The following SLC24A2 variants were observed in gnomAD, a reference collection of about 807,000 sequenced individuals.
The protein encoded by SLC24A2 is solute carrier family 24 member 2.
A neutral mutation model predicts 62.0 loss-of-function variants in SLC24A2; 36 were observed. The observed-to-expected ratio is 0.58, with a 90% CI of 0.44 to 0.77. The LOEUF is 0.77. Among genes scored for constraint, SLC24A2 ranks in the 30% least tolerant of loss-of-function variants. The pLI, the probability that SLC24A2 is intolerant of heterozygous loss-of-function variation, is 0.00. For missense variants in SLC24A2, 846 were observed against 817.9 expected, an observed-to-expected ratio of 1.03 and a Z score of -0.42; for synonymous variants, 358 against 294.0, an observed-to-expected ratio of 1.22 and a Z score of -2.23.
the SLC24A2 span, among the ~76,000 whole-genome samples, chr9:19,886,811 A>T: frequency 6.6e-6 from 1 of 152,240 alleles, no homozygotes; most frequent in Non-Finnish European, 1.5e-5. Flanking sequence ...CAAAATGCCA[A>T]TCAATGATAG....
At chr9:19,880,641 TA>T in the SLC24A2 span, among the ~76,000 whole-genome samples, 1 of 152,176 alleles carries the variant, frequency 6.6e-6, no homozygotes, top group African/African-American at 2.4e-5. Flanking sequence ...GAAGCCAAGC[TA>T]ACATTATTTG....
the SLC24A2 span, among the ~76,000 whole-genome samples, chr9:19,840,974 T>C: frequency 1.3e-5 from 2 of 152,220 alleles, no homozygotes; most frequent in African/African-American, 4.8e-5. Context: ...CATAAGGGAA[T>C]ATATATCAAT....
chr9:20,159,201 T>C, the SLC24A2 span, among the ~76,000 whole-genome samples: 71 of 151,646 alleles, frequency 4.7e-4, no homozygotes, highest in Admixed American at 1.3e-3. Context: ...TGGAATATCA[T>C]ACACACGAAC....
intron 2 of SLC24A2, among the ~76,000 whole-genome samples, chr9:19,737,330 T>C (rs1821539336): frequency 6.6e-6 from 1 of 152,238 alleles, no homozygotes; most frequent in Admixed American, 6.5e-5. Context: ...ATTGTTTATA[T>C]ATGACTGAAA....
At chr9:19,648,191 G>A (rs993038114) in intron 2 of SLC24A2, among the ~76,000 whole-genome samples, 7 of 152,186 alleles carry the variant, frequency 4.6e-5, no homozygotes, top group Non-Finnish European at 7.3e-5. Flanking sequence ...GCCACATGGG[G>A]AATAGAGGTG....
chr9:20,209,831 C>G, the SLC24A2 span, among the ~76,000 whole-genome samples: 1 of 152,162 alleles, frequency 6.6e-6, no homozygotes, highest in African/African-American at 2.4e-5. Context: ...CAAGATTGTG[C>G]TTGGTAAAAA....
At chr9:20,220,064 G>A in the SLC24A2 span, among the ~76,000 whole-genome samples, 1 of 152,004 alleles carries the variant, frequency 6.6e-6, no homozygotes, top group African/African-American at 2.4e-5. Context: ...AAATAGTTCA[G>A]TATTATTTAC....
the SLC24A2 span, among the ~76,000 whole-genome samples, chr9:20,141,459 C>G: frequency 2.0e-5 from 3 of 152,064 alleles, no homozygotes; most frequent in South Asian, 4.1e-4. Context: ...AGCTACAACT[C>G]TCTTGGCTTG....
At chr9:19,613,899 G>A (rs1169568516) in intron 4 of SLC24A2, among the ~76,000 whole-genome samples, 3 of 152,182 alleles carry the variant, frequency 2.0e-5, no homozygotes, top group Non-Finnish European at 2.9e-5. Context: ...GGGGCATAGA[G>A]CCATAGCCTC....
At chr9:19,863,702 C>A in the SLC24A2 span, among the ~76,000 whole-genome samples, 1 of 151,128 alleles carries the variant, frequency 6.6e-6, no homozygotes, top group Non-Finnish European at 1.5e-5. Flanking sequence ...CTATGGAATA[C>A]AGTGGAGCCA....
At chr9:20,262,777 C>T in the SLC24A2 span, among the ~76,000 whole-genome samples, 1 of 152,210 alleles carries the variant, frequency 6.6e-6, no homozygotes, top group Admixed American at 6.5e-5. Flanking sequence ...ATGTTCTCAC[C>T]CATTCTCTTC....
At chr9:20,298,602 A>G in the SLC24A2 span, among the ~76,000 whole-genome samples, 1 of 152,254 alleles carries the variant, frequency 6.6e-6, no homozygotes, top group Non-Finnish European at 1.5e-5. Flanking sequence ...TTCCTAATAT[A>G]CAATGTTCTA....
chr9:19,684,237 T>C (rs1417485444), intron 2 of SLC24A2, among the ~76,000 whole-genome samples: 2 of 152,040 alleles, frequency 1.3e-5, no homozygotes, highest in African/African-American at 4.8e-5. Context: ...CCTTGGACGA[T>C]GTGGTTTGTT....
At chr9:19,908,876 T>A in the SLC24A2 span, among the ~76,000 whole-genome samples, 13 of 152,154 alleles carry the variant, frequency 8.5e-5, no homozygotes, top group Non-Finnish European at 1.5e-4. Flanking sequence ...ACTTTTAAAC[T>A]GTTGGTGGGA....
intron 2 of SLC24A2, among the ~76,000 whole-genome samples, chr9:19,757,794 A>T (rs1354869653): frequency 6.6e-6 from 1 of 151,908 alleles, no homozygotes; most frequent in East Asian, 1.9e-4. Context: ...GTCATGGGGG[A>T]TGGATCCCTT....
the SLC24A2 span, among the ~76,000 whole-genome samples, chr9:19,820,034 TATATATACATATATATATATACAC>T: frequency 2.0e-4 from 7 of 34,456 alleles, no homozygotes; most frequent in African/African-American, 2.8e-4. Context: ...TACACATATA[TATATATACATATATATATATACAC>T]ATATATATAT....
chr9:19,994,025 T>C, the SLC24A2 span, among the ~76,000 whole-genome samples: 4 of 152,190 alleles, frequency 2.6e-5, no homozygotes, highest in South Asian at 2.1e-4. Flanking sequence ...GAGGTAAAGA[T>C]AGACCAAGTA....
At chr9:19,972,525 G>A in the SLC24A2 span, among the ~76,000 whole-genome samples, 2 of 152,116 alleles carry the variant, frequency 1.3e-5, no homozygotes, top group African/African-American at 4.8e-5. Context: ...AGTGCTATTC[G>A]AAGTGTGATT....
chr9:19,974,360 A>C, the SLC24A2 span, among the ~76,000 whole-genome samples: 1 of 152,148 alleles, frequency 6.6e-6, no homozygotes, highest in Admixed American at 6.6e-5. Flanking sequence ...ATGATAGACA[A>C]TTTTTAAGGT....
Sources: allele counts gnomAD v4.1 joint callset (sites outside exome capture counted in the v4.1 genomes callset), GRCh38; gene constraint gnomAD v4.1.1; transcripts MANE v1.5; gene names NCBI Gene and HGNC (gene_info 2026-07-23, HGNC 2026-07-21).